The following NDUFA8 variants were observed in gnomAD, a reference collection of about 807,000 sequenced individuals.
The protein encoded by NDUFA8 is NADH dehydrogenase [ubiquinone] 1 alpha subcomplex subunit 8.
In NDUFA8, 16 loss-of-function variants were observed where a neutral mutation model predicts 20.9. The ratio of observed to expected loss-of-function variants is 0.77; its 90% confidence interval spans 0.52 to 1.16. The LOEUF is 1.16. NDUFA8 is among the 50% of genes most tolerant of loss of function. NDUFA8 has a pLI of 0.00. For missense variants in NDUFA8, 202 were observed against 216.4 expected (o/e 0.93, Z 0.42); for synonymous variants, 70 against 76.1 (o/e 0.92, Z 0.41).
rs764612056 is a variant in NDUFA8, at chr9:122,159,759, T to G, written c.-82A>C. Reference sequence around the variant, plus strand: ...TTGAACTCCCCTTTCGACCGCCGAGTGCCACACGGCGCCTGCGCATGCGCA... The same window carrying G: ...TTGAACTCCCCTTTCGACCGCCGAGGGCCACACGGCGCCTGCGCATGCGCA... On this transcript the variant is annotated 5_prime_UTR_variant, in exon 1 of 4. Coordinates refer to ENST00000373768, the MANE Select transcript of NDUFA8 (RefSeq NM_014222.3). 2.0e-5 allele frequency: 32 copies of G among 1,599,530 alleles called. No individual in the cohort carries two copies. Among genetic ancestry groups the G allele is most frequent in the African/African-American group, 2.7e-5 (2 of 74,484 alleles).
intron 1 of NDUFA8, among the ~76,000 whole-genome samples, chr9:122,154,243 G>A (rs1055729174): frequency 2.0e-5 from 3 of 152,212 alleles, no homozygotes; most frequent in Non-Finnish European, 2.9e-5. Flanking sequence ...ATAGTGTCTA[G>A]CACAAGTAGC....
chr9:122,139,820 A>C (rs1439512110), downstream of NDUFA8, among the ~76,000 whole-genome samples: 1 of 152,154 alleles, frequency 6.6e-6, no homozygotes, highest in East Asian at 1.9e-4. Context: ...CAACCTCCCC[A>C]GTAGCTGGGA....
intron 3 of NDUFA8, 41 bp from the exon 4 acceptor site, chr9:122,144,419 G>C: frequency 1.3e-6 from 2 of 1,588,334 alleles, no homozygotes; most frequent in Non-Finnish European, 1.7e-6. Context: ...TTGAAAGCTA[G>C]GGTGGAGGAA....
At chr9:122,159,550 A>G (rs552038680) in intron 1 of NDUFA8, 77 bp downstream of exon 1, 23 of 1,573,600 alleles carry the variant, frequency 1.5e-5, no homozygotes, top group Non-Finnish European at 1.7e-5. Context: ...GGATCCGCGG[A>G]GCCCAAGGGG....
rs1376642582 is a variant in NDUFA8 at position 122,158,025 on chromosome 9, C to T, written c.51+1602G>A. On this transcript the variant is annotated intron_variant, in intron 1 of 3. Coordinates refer to ENST00000373768, the MANE Select transcript of NDUFA8 (RefSeq NM_014222.3). Reference sequence around the variant, plus strand: ...AATATTAGCCGGGTGTGGTGATGAGCGCCTGTAGTCGCAGTTACTCGGGAG... The same window carrying T: ...AATATTAGCCGGGTGTGGTGATGAGTGCCTGTAGTCGCAGTTACTCGGGAG... 2.7e-5 allele frequency among the ~76,000 whole-genome samples: 4 copies of T among 149,058 alleles called. No homozygotes were observed. The East Asian group carries it at 8.1e-4, about 30-fold the overall frequency.
chr9:122,144,314 TC>T lies in NDUFA8; in HGVS notation c.445del (p.Asp149IlefsTer51). The T allele has an allele frequency of 6.2e-7, 1 of 1,614,176 alleles. No individual in the cohort carries two copies. Among genetic ancestry groups the T allele is most frequent in the Non-Finnish European group, 8.5e-7 (1 of 1,180,026 alleles). ...ATCTCCCTCGATCTCAGGGCTGGGA[TC>T]CGGTCTTGGTCTTGAGTGATAGGGA... ...ENPYHSRPRPDPSPEIEGDLQ... is the reference protein window; with the variant it reads ...ENPYHSRPRPXPSPEIEGDLQ... On this transcript the variant is annotated frameshift_variant, in exon 4 of 4. Transcript: ENST00000373768. LOFTEE classifies it high-confidence loss of function.
At chr9:122,145,962 A>T (rs1201240724) in intron 3 of NDUFA8, among the ~76,000 whole-genome samples, 4 of 152,028 alleles carry the variant, frequency 2.6e-5, no homozygotes, top group Non-Finnish European at 1.5e-5. Context: ...CAGCCCAGGC[A>T]ACATGGTGAA....
chr9:122,133,070 C>A, the NDUFA8 span: 3 of 454,252 alleles, frequency 6.6e-6, no homozygotes, highest in African/African-American at 6.0e-5. Context: ...GCAAAGTAGA[C>A]CTTACTTCCT....
intron 2 of NDUFA8, among the ~76,000 whole-genome samples, chr9:122,151,047 A>G (rs1828989089): frequency 6.6e-6 from 1 of 152,106 alleles, no homozygotes; most frequent in African/African-American, 2.4e-5. Context: ...CAATAATATC[A>G]AGTGAAAAAT....
chr9:122,138,122 T>C, the NDUFA8 span, among the ~76,000 whole-genome samples: 1 of 152,206 alleles, frequency 6.6e-6, no homozygotes, highest in African/African-American at 2.4e-5. Flanking sequence ...TACCTTAGTT[T>C]TGGAGAGCAA....
intron 2 of NDUFA8, among the ~76,000 whole-genome samples, chr9:122,149,712 C>A (rs886768041): frequency 2.0e-5 from 3 of 152,206 alleles, no homozygotes; most frequent in African/African-American, 7.2e-5. Flanking sequence ...AATCCCAGCA[C>A]CTTGGGAGGC....
the NDUFA8 span, among the ~76,000 whole-genome samples, chr9:122,135,410 A>C: frequency 6.6e-6 from 1 of 152,228 alleles, no homozygotes; most frequent in South Asian, 2.1e-4. Flanking sequence ...CACCAGACAG[A>C]GTGGCTTTTT....
intron 2 of NDUFA8, 131 bp from the exon 3 acceptor site, chr9:122,148,408 T>C (rs3793615): frequency 0.2 from 207,482 of 1,020,490 alleles, 29,869 homozygotes; most frequent in African/African-American, 0.67. Flanking sequence ...CATATTCTTA[T>C]CTCACTTACA....
downstream of NDUFA8, among the ~76,000 whole-genome samples, chr9:122,141,863 A>G (rs1175061599): frequency 6.6e-6 from 1 of 152,198 alleles, no homozygotes; most frequent in Admixed American, 6.5e-5. Context: ...AGTACAGGAA[A>G]GCCAAAAGTC....
intron 2 of NDUFA8, among the ~76,000 whole-genome samples, chr9:122,151,814 T>A (rs1050070454): frequency 3.9e-5 from 6 of 152,220 alleles, no homozygotes; most frequent in African/African-American, 1.4e-4. Context: ...TCATGCACAA[T>A]GACCTACGTA....
chr9:122,153,240 C>T (rs901060048), intron 1 of NDUFA8, among the ~76,000 whole-genome samples: 6 of 146,910 alleles, frequency 4.1e-5, no homozygotes, highest in African/African-American at 1.0e-4. Flanking sequence ...GCACTCCAGC[C>T]GGGGTGACAG....
Position 122,144,326 on chromosome 9 carries a change from C to T in NDUFA8, c.434G>A (p.Arg145Lys). The T allele has an allele frequency of 6.2e-7, 1 of 1,614,134 alleles. No individual in the cohort carries two copies. Among genetic ancestry groups the T allele is most frequent in the Non-Finnish European group, 8.5e-7 (1 of 1,180,016 alleles). The change falls in exon 4 of 4, where the codon AGA becomes AAA. Residue 145 changes from arginine to lysine, a missense_variant. Physicochemically the swap from Arg to Lys is conservative, Grantham distance 26 (BLOSUM62 2). Transcript: ENST00000373768. ...RPLPENPYHS[R>K]PRPDPSPEIE... ...CTCAGGGCTGGGATCCGGTCTTGGTCTTGAGTGATAGGGATTCTCCGGTAA... is the reference window on the plus strand; with the variant it reads ...CTCAGGGCTGGGATCCGGTCTTGGTTTTGAGTGATAGGGATTCTCCGGTAA...
At chr9:122,140,558 G>C (rs780055614), downstream of NDUFA8, among the ~76,000 whole-genome samples, 9 of 152,204 alleles carry the variant, frequency 5.9e-5, no homozygotes, top group Non-Finnish European at 1.3e-4. Flanking sequence ...TTCGTGTACA[G>C]TTAATCATTT....
At chr9:122,135,853 T>C in the NDUFA8 span, among the ~76,000 whole-genome samples, 1 of 152,200 alleles carries the variant, frequency 6.6e-6, no homozygotes, top group South Asian at 2.1e-4. Context: ...CCTTCCGAAG[T>C]GCTGGGATTA....
Sources: gnomAD v4.1 joint callset for allele counts (sites outside exome capture counted in the v4.1 genomes callset) on GRCh38, gnomAD v4.1.1 for gene constraint, MANE v1.5 for transcripts, NCBI Gene and HGNC (gene_info 2026-07-23, HGNC 2026-07-21) for gene names.